Variants in SPTB observed in about 807,000 individuals in gnomAD.
SPTB encodes spectrin beta chain, erythrocytic.
A neutral mutation model predicts 256.2 loss-of-function variants in SPTB; 45 were observed. The ratio of observed to expected loss-of-function variants is 0.18; its 90% confidence interval spans 0.14 to 0.23. The LOEUF is 0.23. Among genes scored for constraint, SPTB ranks in the 10% least tolerant of loss-of-function variants. SPTB has a pLI of 1.00. For missense variants in SPTB, 2,715 were observed against 3,040.4 expected (o/e 0.89, Z 2.52); for synonymous variants, 1,231 against 1,243.1 (o/e 0.99, Z 0.21).
At position 64,844,888 on chromosome 14, in the gene SPTB, CT is replaced by C. The variant is rs1463352803; in HGVS notation, c.-51-21744del. ...TTCCCTTTGTGATCGCAGCATGCAACTTTGGAGATGGAGAAGAAGATGATCT... is the reference window on the plus strand; with the variant it reads ...TTCCCTTTGTGATCGCAGCATGCAACTTGGAGATGGAGAAGAAGATGATCT... On this transcript the variant is annotated intron_variant, in intron 1 of 35. Transcript: ENST00000644917. This position sits in a 1 kb window ranked among gnomAD's most constrained non-coding sequence, Gnocchi z 4.1. Among the ~76,000 whole-genome samples the C allele has an allele frequency of 1.3e-5, 2 of 152,308 alleles. No homozygotes were observed. The highest frequency in any genetic ancestry group is 4.8e-5 in the African/African-American group (2 of 41,570).
In SPTB at chr14:64,861,665, G is replaced by A. The variant is rs913150453; in HGVS notation, c.-52+18127C>T. On this transcript the variant is annotated intron_variant, in intron 1 of 35. Transcript: ENST00000644917. ...TTATTCACTGCACAAAACTTCCCTTGACCTCTCTCTCAAACCATCAAGTTC... is the reference window on the plus strand; with the variant it reads ...TTATTCACTGCACAAAACTTCCCTTAACCTCTCTCTCAAACCATCAAGTTC... Among the ~76,000 whole-genome samples the A allele has an allele frequency of 2.0e-5, 3 of 152,052 alleles. No individual in the cohort carries two copies. In the East Asian group the frequency reaches 5.8e-4, roughly 29 times the overall value.
chr14:64,765,724 G>A (rs569355733), intron 32 of SPTB, among the ~76,000 whole-genome samples: 1 of 152,328 alleles, frequency 6.6e-6, no homozygotes, highest in Non-Finnish European at 1.5e-5. Context: ...GGAAAGAATC[G>A]CCTACAAGGA....
In SPTB at chr14:64,775,142, A is replaced by C; in HGVS notation, c.4825T>G (p.Ser1609Ala). The change falls in exon 23 of 36, where the codon TCC becomes GCC. Residue 1609 changes from serine (S) to alanine (A), a missense_variant. By Grantham distance (99) the Ser-to-Ala change is moderately conservative. Transcript: ENST00000644917. This position sits in a 1 kb window ranked among gnomAD's most constrained non-coding sequence, Gnocchi z 5.0. ...GAACAGACCTTGGGGATCTCATCGG[A>C]GATGACGTAGAGCTCCTGCTCGCCA... ...WIGEQELYVI[S>A]DEIPKDEEGA... 1 of 1,613,844 alleles carries C rather than the reference A, an allele frequency of 6.2e-7. No individual in the cohort carries two copies. Among genetic ancestry groups the C allele is most frequent in the Non-Finnish European group, 8.5e-7 (1 of 1,180,016 alleles).
rs556779783 is a variant in SPTB at position 64,778,058 on chromosome 14, C to T, written c.4563+1099G>A. Among the ~76,000 whole-genome samples the T allele has an allele frequency of 1.3e-5, 2 of 152,202 alleles. No homozygotes were observed. Among genetic ancestry groups the T allele is most frequent in the Non-Finnish European group, 2.9e-5 (2 of 68,046 alleles). On this transcript the variant is annotated intron_variant, in intron 22 of 35. Transcript: ENST00000644917. This position sits in a 1 kb window ranked among gnomAD's most constrained non-coding sequence, Gnocchi z 5.2. ...AAGGATACCATGTCCTACCAGCCTT[C>T]CACCTTTAGCTGAAGGTTGTGGCAT...
intron 1 of SPTB, among the ~76,000 whole-genome samples, chr14:64,859,994 T>A (rs2139798960): frequency 6.6e-6 from 1 of 152,262 alleles, no homozygotes; most frequent in South Asian, 2.1e-4. Flanking sequence ...TAAAATTGCC[T>A]AAAACTTGAA....
At chr14:64,798,198 T>A (rs1380986175) in intron 9 of SPTB, among the ~76,000 whole-genome samples, 1 of 152,212 alleles carries the variant, frequency 6.6e-6, no homozygotes, top group Non-Finnish European at 1.5e-5. Flanking sequence ...TTAAAAAACC[T>A]TCTCTGTGCT....
At position 64,791,861 on chromosome 14, in the gene SPTB, T is replaced by C. The variant is rs772298545; in HGVS notation, c.2667-5A>G. The C allele has an allele frequency of 1.2e-5, 20 of 1,614,054 alleles. No homozygotes were observed. Among genetic ancestry groups the C allele is most frequent in the Non-Finnish European group, 1.6e-5 (19 of 1,180,024 alleles). Reference sequence around the variant, plus strand: ...TCCTGGTCCAGGATGTCGAACCTGATATGGGCAAAGGAAAATATGAGGATG... The same window carrying C: ...TCCTGGTCCAGGATGTCGAACCTGACATGGGCAAAGGAAAATATGAGGATG... On this transcript the variant is annotated splice_polypyrimidine_tract_variant and splice_region_variant and intron_variant, in intron 14 of 35. Coordinates refer to ENST00000644917, the MANE Select transcript of SPTB (RefSeq NM_001355436.2).
intron 32 of SPTB, chr14:64,766,510 T>C: frequency 1.4e-6 from 2 of 1,467,296 alleles, no homozygotes; most frequent in Non-Finnish European, 1.8e-6. Context: ...TCCTCTGCGC[T>C]GTGGGGAGGA....
At chr14:64,767,179 G>T in intron 31 of SPTB, 124 bp downstream of exon 31, 2 of 1,288,372 alleles carry the variant, frequency 1.6e-6, no homozygotes, top group Non-Finnish European at 2.2e-6. Context: ...GGGCCTTCCT[G>T]ACGAGGGTGC....
At chr14:64,842,613 T>C (rs754311732) in intron 1 of SPTB, among the ~76,000 whole-genome samples, 23 of 152,226 alleles carry the variant, frequency 1.5e-4, no homozygotes, top group Non-Finnish European at 2.9e-4. Flanking sequence ...AAGTCCTTAA[T>C]AGCGTGTCAG....
In SPTB at chr14:64,773,354, G is replaced by C. The variant is rs111611921; in HGVS notation, c.5044C>G (p.Arg1682Gly). The C allele has an allele frequency of 2.5e-6, 4 of 1,614,078 alleles. No homozygotes were observed. The Admixed American group carries it at 5.0e-5, about 20-fold the overall frequency. ...TACATGTTCTCCAGCTTGCGCTTGC[G>C]CTCTTCCGCCACGTCCTTCAGCCCT... ...YAGLKDVAEE[R>G]KRKLENMYHL... is the part of the protein sequence containing the mutation. Residue 1682 changes from arginine (R) to glycine (G), a missense_variant, in exon 25 of 36, where the codon CGC becomes GGC. Arg to Gly is a moderately radical substitution (Grantham distance 125, BLOSUM62 -2). Transcript: ENST00000644917.
rs747601257 is a variant in SPTB at position 64,793,321 on chromosome 14, A to G, written c.2342T>C (p.Leu781Pro). 6.2e-7 allele frequency: 1 copy of G among 1,608,844 alleles called. No homozygotes were observed. The highest frequency in any genetic ancestry group is 1.7e-5 in the Admixed American group (1 of 60,026). Residue 781 changes from leucine (L) to proline (P), a missense_variant, in exon 14 of 36, where the codon CTG (leucine) becomes CCG (proline). Leu to Pro is a moderately conservative substitution (Grantham distance 98). Coordinates refer to ENST00000644917, the MANE Select transcript of SPTB (RefSeq NM_001355436.2). This position sits in a 1 kb window ranked among gnomAD's most constrained non-coding sequence, Gnocchi z 7.0. ...CAGGAAGTCCTTGTGCTTTTTCCCC[A>G]GGGCCCGCGTGGCCCCTTCGTCCTG... ...VGQDEGATRALGKKHKDFLEE... is the reference protein window; with the variant it reads ...VGQDEGATRAPGKKHKDFLEE...
rs762520589 is a variant in SPTB, at chr14:64,796,736, G to A, written c.1183-21C>T. 6.2e-7 allele frequency: 1 copy of A among 1,614,064 alleles called. No individual in the cohort carries two copies. The highest frequency in any genetic ancestry group is 8.5e-7 in the Non-Finnish European group (1 of 1,180,046). On this transcript the variant is annotated intron_variant, in intron 10 of 35. Coordinates refer to ENST00000644917, the MANE Select transcript of SPTB (RefSeq NM_001355436.2). The surrounding 1 kb of genome is among the most constrained non-coding windows in gnomAD (Gnocchi z 4.1). ...CAGGCCTGCACAAAGGATGGAATGA[G>A]AATTCTTGGGGCACAGGAGAAATGC...
At position 64,859,420 on chromosome 14, in the gene SPTB, G is replaced by A. The variant is rs564469371; in HGVS notation, c.-52+20372C>T. ...GTTAAACAACGTAAGCTGTTAAATAGTATTAAACTATAGAACATTTTCAGT... is the reference window on the plus strand; with the variant it reads ...GTTAAACAACGTAAGCTGTTAAATAATATTAAACTATAGAACATTTTCAGT... On this transcript the variant is annotated intron_variant, in intron 1 of 35. Coordinates refer to ENST00000644917, the MANE Select transcript of SPTB (RefSeq NM_001355436.2). Among the ~76,000 whole-genome samples, 10 of 152,118 alleles carry A rather than the reference G, an allele frequency of 6.6e-5. No homozygotes were observed. In the East Asian group the frequency reaches 1.9e-3, roughly 30 times the overall value.
chr14:64,764,206 AG>A lies in SPTB; in HGVS notation c.6345+2519del, dbSNP rs1477066685. ...GTTCTGTGAAGGGGTAGTTCCAGGC[AG>A]GCTGGAAGGACCAGCCACTGGGCTT... On this transcript the variant is annotated intron_variant, in intron 32 of 35. Transcript: ENST00000644917. This position sits in a 1 kb window ranked among gnomAD's most constrained non-coding sequence, Gnocchi z 4.2. 2.0e-5 allele frequency among the ~76,000 whole-genome samples: 3 copies of A among 152,168 alleles called. No individual in the cohort carries two copies. Among genetic ancestry groups the A allele is most frequent in the Non-Finnish European group, 4.4e-5 (3 of 68,032 alleles).
chr14:64,801,907 G>T, intron 5 of SPTB, 73 bp from the exon 6 acceptor site: 1 of 1,404,134 alleles, frequency 7.1e-7, no homozygotes, highest in Non-Finnish European at 1.0e-6. Flanking sequence ...CAAATTGAGG[G>T]CCAATATACC....
chr14:64,822,884 G>A, intron 2 of SPTB, 63 bp downstream of exon 2: 1 of 1,598,836 alleles, frequency 6.3e-7, no homozygotes, highest in South Asian at 1.1e-5. Flanking sequence ...ACACTAGGTG[G>A]GGAGGGCTGT....
chr14:64,746,353 AG>A lies in SPTB; in HGVS notation c.*2952del, dbSNP rs1423619390. On this transcript the variant is annotated 3_prime_UTR_variant, in exon 36 of 36. Coordinates refer to ENST00000644917, the MANE Select transcript of SPTB (RefSeq NM_001355436.2). The surrounding 1 kb of genome is among the most constrained non-coding windows in gnomAD (Gnocchi z 4.9). The stretch of plus-strand genomic sequence containing the variant: ...CTGGTTGGTGGAAGCACGGTTGAGC[AG>A]GTGGAGGACAGGACCCAGCTGGCCC... 1 of 152,580 alleles carries A rather than the reference AG, an allele frequency of 6.6e-6. No homozygotes were observed. Among genetic ancestry groups the A allele is most frequent in the Non-Finnish European group, 1.5e-5 (1 of 68,052 alleles). 9.5% of individuals were successfully genotyped at this position (152,580 alleles called of 1,614,324 possible). A position where few individuals can be genotyped will look rare whatever the true frequency, so the allele number is the denominator to read the frequency against.
rs368833188 is a variant in SPTB at position 64,784,359 on chromosome 14, G to A, written c.3890C>T (p.Ser1297Phe). 5 of 1,614,152 alleles carry A rather than the reference G, an allele frequency of 3.1e-6. No homozygotes were observed. Among genetic ancestry groups the A allele is most frequent in the South Asian group, 1.1e-5 (1 of 91,092 alleles). The part of the protein sequence containing the change: ...TLWINDKLLT[S>F]QDVSYDEARN... ...TGCTTCATCATAGGAGACATCCTGA[G>A]ATGTCAGCAGCTTGTCGTTGATCCA... The change falls in exon 19 of 36, where the codon TCT becomes TTT. Residue 1297 changes from serine (S) to phenylalanine (F), a missense_variant. Ser to Phe is a radical substitution (Grantham distance 155, BLOSUM62 -2). Around this residue, in one of 4 missense-constraint regions of SPTB, gnomAD observed 2,239 missense variants for 2,384.4 expected, o/e 0.94. Coordinates refer to ENST00000644917, the MANE Select transcript of SPTB (RefSeq NM_001355436.2).
Sources: gnomAD v4.1 joint callset for allele counts (sites outside exome capture counted in the v4.1 genomes callset) on GRCh38, gnomAD v4.1.1 for gene constraint, gnomAD v4.1.1 regional missense constraint, Gnocchi (gnomAD v3.1) non-coding constraint, MANE v1.5 for transcripts, NCBI Gene and HGNC (gene_info 2026-07-23, HGNC 2026-07-21) for gene names.